USP28: variants seen among roughly 807,000 people sequenced by gnomAD.
USP28 encodes the protein ubiquitin specific peptidase 28.
In USP28, 113 loss-of-function variants were observed where a neutral mutation model predicts 145.0. That is an observed-to-expected ratio of 0.78 (90% CI 0.67 to 0.91). The LOEUF is 0.91. Among genes scored for constraint, USP28 ranks in the 40% least tolerant of loss-of-function variants. USP28 has a pLI of 0.00. For missense variants in USP28, 1,201 were observed against 1,289.6 expected (o/e 0.93, Z 1.05); for synonymous variants, 447 against 450.9 (o/e 0.99, Z 0.11).
rs760069244 is a variant in USP28, at chr11:113,809,272, T to C, written c.1973-18A>G. 2.5e-6 allele frequency: 4 copies of C among 1,609,796 alleles called. No homozygotes were observed. The highest frequency in any genetic ancestry group is 1.1e-5 in the South Asian group (1 of 90,860). ...GGCTGCCTCTGAGGAAAAGCAAAGATAGAGTTAAAAGGTCACAAGGAACGA... is the reference window on the plus strand; with the variant it reads ...GGCTGCCTCTGAGGAAAAGCAAAGACAGAGTTAAAAGGTCACAAGGAACGA... On this transcript the variant is annotated intron_variant, in intron 16 of 24. Coordinates refer to ENST00000003302, the Ensembl canonical transcript of USP28.
chr11:113,843,613 G>A (rs1296147249), intron 3 of USP28, among the ~76,000 whole-genome samples: 1 of 148,694 alleles, frequency 6.7e-6, no homozygotes, highest in African/African-American at 2.5e-5. Flanking sequence ...GGAGGCTATG[G>A]TGACCCAACA....
At chr11:113,836,616 C>T (rs1341355973) in intron 5 of USP28, among the ~76,000 whole-genome samples, 1 of 152,152 alleles carries the variant, frequency 6.6e-6, no homozygotes, top group African/African-American at 2.4e-5. Context: ...GTCAGTGCTG[C>T]CTTGAGAATA....
chr11:113,808,498 T>A, intron 17 of USP28, 61 bp from the exon 18 acceptor site: 1 of 1,577,704 alleles, frequency 6.3e-7, no homozygotes, highest in Non-Finnish European at 8.6e-7. Context: ...AACACTCAGA[T>A]AAAAAGCAAG....
chr11:113,840,463 C>A, intron 5 of USP28, 135 bp downstream of exon 5: 1 of 1,146,304 alleles, frequency 8.7e-7, no homozygotes, highest in Non-Finnish European at 1.2e-6. Context: ...TAAATCCATA[C>A]ACAATAATGC....
chr11:113,854,313 T>C, exon 2 of USP28: 1 of 1,614,114 alleles, frequency 6.2e-7, no homozygotes, highest in East Asian at 2.2e-5. Context: ...TTCTCTCAGT[T>C]GATTTAACAG....
chr11:113,842,847 C>T (rs544111800), intron 3 of USP28, among the ~76,000 whole-genome samples: 2 of 151,120 alleles, frequency 1.3e-5, no homozygotes, highest in African/African-American at 2.4e-5. Context: ...AACGGAGAAA[C>T]GTTAAGTATA....
intron 1 of USP28, among the ~76,000 whole-genome samples, chr11:113,865,830 A>G (rs572738637): frequency 2.0e-4 from 31 of 152,232 alleles, no homozygotes; most frequent in African/African-American, 6.8e-4. Flanking sequence ...AAAGAAAAAA[A>G]TAATAACACT....
chr11:113,840,290 T>C (rs528765624), intron 5 of USP28, among the ~76,000 whole-genome samples: 5 of 152,120 alleles, frequency 3.3e-5, no homozygotes, highest in African/African-American at 1.2e-4. Context: ...CACTGTCGCC[T>C]ACCTGGATAG....
intron 3 of USP28, among the ~76,000 whole-genome samples, chr11:113,849,901 T>C (rs897561838): frequency 6.6e-6 from 1 of 152,084 alleles, no homozygotes; most frequent in Non-Finnish European, 1.5e-5. Context: ...GGTTTTACTA[T>C]CCCAACAGAC....
Position 113,811,072 on chromosome 11 carries a change from T to C in USP28, c.1972+1204A>G, listed in dbSNP as rs149640573. Among the ~76,000 whole-genome samples the C allele has an allele frequency of 1.4e-3, 214 of 152,274 alleles. 1 individual carries two copies. Among genetic ancestry groups the C allele is most frequent in the African/African-American group, 4.8e-3 (199 of 41,570 alleles). ...AAAATGTTCATCATAAGACCTCTCA[T>C]AGAGGATGTGAAAGAAAGAGAGAAT... On this transcript the variant is annotated intron_variant, in intron 16 of 24. Transcript: ENST00000003302.
chr11:113,848,193 T>C (rs960776785), intron 3 of USP28, among the ~76,000 whole-genome samples: 2 of 152,202 alleles, frequency 1.3e-5, no homozygotes, highest in African/African-American at 4.8e-5. Flanking sequence ...CAATTAAACA[T>C]ACTGATTAAA....
At chr11:113,817,611 T>C in intron 13 of USP28, 47 bp downstream of exon 13, 1 of 1,589,468 alleles carries the variant, frequency 6.3e-7, no homozygotes, top group Non-Finnish European at 8.6e-7. Context: ...GTTTAAATTA[T>C]ACCAGAAAAA....
At chr11:113,863,258 A>T (rs59625643) in intron 1 of USP28, among the ~76,000 whole-genome samples, 18,003 of 151,676 alleles carry the variant, frequency 0.12, 1,082 homozygotes, top group Middle Eastern at 0.17. Flanking sequence ...AAAGGAAATT[A>T]AAAAAAAATT....
chr11:113,816,744 G>A (rs565190904), intron 13 of USP28, among the ~76,000 whole-genome samples: 47 of 151,988 alleles, frequency 3.1e-4, no homozygotes, highest in African/African-American at 1.0e-3. Context: ...ATAGCCTGCC[G>A]AACCACTTTT....
chr11:113,803,908 T>C, intron 21 of USP28, 31 bp from the exon 23 acceptor site: 2 of 1,579,500 alleles, frequency 1.3e-6, no homozygotes, highest in Non-Finnish European at 1.7e-6. Flanking sequence ...TTAATAATCA[T>C]GATCATAATA....
intron 18 of USP28, chr11:113,808,013 C>T (rs766169768): frequency 2.9e-5 from 36 of 1,228,338 alleles, no homozygotes; most frequent in Middle Eastern, 4.4e-4. Context: ...GGAATCTCGA[C>T]TTCAGAGACC....
chr11:113,845,314 C>T (rs573786518), intron 3 of USP28, among the ~76,000 whole-genome samples: 83 of 151,404 alleles, frequency 5.5e-4, no homozygotes, highest in Middle Eastern at 3.4e-3. Context: ...TGGGACATGC[C>T]TGTCCCAGCT....
At chr11:113,799,697 T>C (rs1591447784) in intron 24 of USP28, among the ~76,000 whole-genome samples, 2 of 152,350 alleles carry the variant, frequency 1.3e-5, no homozygotes, top group African/African-American at 4.8e-5. Context: ...TACTCTAGCA[T>C]AGATATGATG....
chr11:113,825,614 A>C (rs1176853611), intron 11 of USP28, among the ~76,000 whole-genome samples: 1 of 152,212 alleles, frequency 6.6e-6, no homozygotes, highest in Non-Finnish European at 1.5e-5. Context: ...GAATGGCAAA[A>C]AATCACTGCA....
Sources: gnomAD v4.1 joint callset for allele counts (sites outside exome capture counted in the v4.1 genomes callset) on GRCh38, gnomAD v4.1.1 for gene constraint, MANE v1.5 for transcripts, NCBI Gene and HGNC (gene_info 2026-07-23, HGNC 2026-07-21) for gene names.